Variants in ABLIM1 observed in about 807,000 individuals in gnomAD.
ABLIM1 encodes actin-binding LIM protein 1.
Under a neutral mutation model 107.0 loss-of-function variants are expected in ABLIM1, and 40 were observed. That is an observed-to-expected ratio of 0.37 (90% CI 0.29 to 0.49). The LOEUF (loss-of-function observed/expected upper bound fraction) is 0.49. Among genes scored for constraint, ABLIM1 ranks in the 20% least tolerant of loss-of-function variants. ABLIM1 has a pLI of 0.97. For synonymous variants in ABLIM1, 357 were observed against 357.3 expected, an observed-to-expected ratio of 1.00 and a Z score of 0.01; for missense variants, 857 against 1,008.5, an observed-to-expected ratio of 0.85 and a Z score of 2.04.
intron 6 of ABLIM1, among the ~76,000 whole-genome samples, chr10:114,530,981 G>A (rs986632382): frequency 6.6e-6 from 1 of 152,210 alleles, no homozygotes; most frequent in African/African-American, 2.4e-5. Flanking sequence ...GTTTTCAGAT[G>A]CCTGGTAAAA....
intron 1 of ABLIM1, among the ~76,000 whole-genome samples, chr10:114,671,935 T>C (rs2080273741): frequency 6.6e-6 from 1 of 152,174 alleles, no homozygotes; most frequent in Non-Finnish European, 1.5e-5. Context: ...CGATCATAGC[T>C]CAATGCAGCC....
At chr10:114,641,275 A>AAAAAAG (rs1456354545) in intron 1 of ABLIM1, among the ~76,000 whole-genome samples, 3 of 146,118 alleles carry the variant, frequency 2.1e-5, no homozygotes, top group African/African-American at 5.3e-5. Flanking sequence ...AAAAAAAAAA[A>AAAAAAG]GTGGACTTCG....
chr10:114,780,562 C>A, the ABLIM1 span, among the ~76,000 whole-genome samples: 1 of 152,170 alleles, frequency 6.6e-6, no homozygotes. Flanking sequence ...CTCTCTCTCT[C>A]TCCCTGCCAC....
intron 1 of ABLIM1, among the ~76,000 whole-genome samples, chr10:114,700,507 C>T (rs2081287056): frequency 6.6e-6 from 1 of 151,992 alleles, no homozygotes; most frequent in African/African-American, 2.4e-5. Context: ...CACACACACA[C>T]ACACACACAC....
the ABLIM1 span, chr10:114,779,977 C>A: frequency 1.3e-5 from 2 of 151,298 alleles, no homozygotes; most frequent in Non-Finnish European, 2.9e-5. Flanking sequence ...TTTATTGTTT[C>A]ATCATTCACA....
intron 1 of ABLIM1, among the ~76,000 whole-genome samples, chr10:114,767,901 C>T (rs2082941432): frequency 6.6e-6 from 1 of 152,140 alleles, no homozygotes; most frequent in South Asian, 2.1e-4. Flanking sequence ...CGAGGGCTTC[C>T]TTCCCCTGCC....
chr10:114,549,315 C>A (rs2067755823), intron 4 of ABLIM1, among the ~76,000 whole-genome samples: 1 of 152,140 alleles, frequency 6.6e-6, no homozygotes, highest in African/African-American at 2.4e-5. Flanking sequence ...ACCTGGGAGG[C>A]AGAGGTGCAG....
At chr10:114,542,803 G>A (rs1321841081) in intron 6 of ABLIM1, among the ~76,000 whole-genome samples, 3 of 152,120 alleles carry the variant, frequency 2.0e-5, no homozygotes, top group Admixed American at 1.3e-4. Flanking sequence ...AGGAGGGGAG[G>A]CACCAACCTC....
At chr10:114,454,187 C>G (rs2062394137) in intron 12 of ABLIM1, among the ~76,000 whole-genome samples, 2 of 152,178 alleles carry the variant, frequency 1.3e-5, no homozygotes, top group Admixed American at 6.5e-5. Context: ...TGAACACCTA[C>G]TATGGCTGGG....
intron 1 of ABLIM1, among the ~76,000 whole-genome samples, chr10:114,693,697 G>A (rs2081134981): frequency 1.3e-5 from 2 of 151,050 alleles, no homozygotes; most frequent in African/African-American, 4.9e-5. Context: ...CACTCAGGCT[G>A]GAGTGCAGTT....
At chr10:114,717,543 C>A (rs569216503) in intron 1 of ABLIM1, among the ~76,000 whole-genome samples, 1 of 152,272 alleles carries the variant, frequency 6.6e-6, no homozygotes, top group Admixed American at 6.5e-5. Context: ...GTGATAAAAA[C>A]ATCTTCAGTC....
intron 1 of ABLIM1, chr10:114,632,123 C>T: frequency 1.0e-6 from 1 of 985,348 alleles, no homozygotes. Context: ...CTATCGCCCC[C>T]GCGCTCTTCT....
chr10:114,668,274 C>T (rs1052483042), intron 1 of ABLIM1, among the ~76,000 whole-genome samples: 7 of 152,010 alleles, frequency 4.6e-5, no homozygotes, highest in African/African-American at 1.7e-4. Context: ...AGTTTGATGA[C>T]CAAGGGACAA....
intron 6 of ABLIM1, among the ~76,000 whole-genome samples, chr10:114,530,993 A>T (rs1441195695): frequency 6.6e-6 from 1 of 152,264 alleles, no homozygotes; most frequent in Non-Finnish European, 1.5e-5. Context: ...CTGGTAAAAA[A>T]GTAATTAAAA....
chr10:114,763,819 G>A (rs1169090591), intron 1 of ABLIM1, among the ~76,000 whole-genome samples: 1 of 152,008 alleles, frequency 6.6e-6, no homozygotes, highest in African/African-American at 2.4e-5. Context: ...AAATAACTGG[G>A]GCTTATTAAA....
chr10:114,660,186 T>C (rs1317163914), upstream of ABLIM1, among the ~76,000 whole-genome samples: 3 of 152,182 alleles, frequency 2.0e-5, no homozygotes, highest in Non-Finnish European at 4.4e-5. Context: ...CTCCAAAGTC[T>C]TCCTCTAAAA....
At chr10:114,597,996 GCA>G (rs2075601834) in intron 2 of ABLIM1, among the ~76,000 whole-genome samples, 1 of 152,188 alleles carries the variant, frequency 6.6e-6, no homozygotes, top group African/African-American at 2.4e-5. Flanking sequence ...TCCAGGCCAG[GCA>G]CAGTGGCTCA....
intron 7 of ABLIM1, among the ~76,000 whole-genome samples, chr10:114,490,503 T>C (rs1393234795): frequency 6.6e-6 from 1 of 152,112 alleles, no homozygotes; most frequent in Non-Finnish European, 1.5e-5. Flanking sequence ...CAAAGAGAAA[T>C]CAAGAAATGA....
the ABLIM1 span, among the ~76,000 whole-genome samples, chr10:114,780,277 G>A: frequency 1.3e-5 from 2 of 152,160 alleles, no homozygotes; most frequent in African/African-American, 4.8e-5. Context: ...CTTTCTGTGG[G>A]AAGAAATCAA....
Sources: allele counts gnomAD v4.1 joint callset (sites outside exome capture counted in the v4.1 genomes callset), GRCh38; gene constraint gnomAD v4.1.1; transcripts MANE v1.5; gene names NCBI Gene and HGNC (gene_info 2026-07-23, HGNC 2026-07-21).